LMF1: variants seen among roughly 807,000 people sequenced by gnomAD.
LMF1 encodes the protein lipase maturation factor 1, also known as transmembrane protein 112.
Under a neutral mutation model 60.6 loss-of-function variants are expected in LMF1, and 68 were observed. The observed-to-expected ratio is 1.12, with a 90% CI of 0.92 to 1.37. The LOEUF (loss-of-function observed/expected upper bound fraction) is 1.37. Among genes scored for constraint, LMF1 ranks in the 40% most tolerant of loss-of-function variants. The pLI is 0.00. For synonymous variants in LMF1, 418 were observed against 324.7 expected, an observed-to-expected ratio of 1.29 and a Z score of -3.09; for missense variants, 948 against 767.2, an observed-to-expected ratio of 1.24 and a Z score of -2.78.
At chr16:969,300 G>A (rs2072990516) in intron 1 of LMF1, among the ~76,000 whole-genome samples, 1 of 152,266 alleles carries the variant, frequency 6.6e-6, no homozygotes, top group Non-Finnish European at 1.5e-5. Context: ...GGGCAACAGA[G>A]TGAGACTCCG....
At chr16:937,165 T>C (rs1186605968) in intron 2 of LMF1, among the ~76,000 whole-genome samples, 2 of 152,222 alleles carry the variant, frequency 1.3e-5, no homozygotes, top group Non-Finnish European at 2.9e-5. Flanking sequence ...ATTTCAAGGC[T>C]GCCTGATAAA....
chr16:938,728 T>C (rs4984989), intron 2 of LMF1, among the ~76,000 whole-genome samples: 72,420 of 151,492 alleles, frequency 0.48, 18,896 homozygotes, highest in African/African-American at 0.7. Context: ...GACAGATGGA[T>C]GGATGGACAG....
intron 3 of LMF1, among the ~76,000 whole-genome samples, chr16:922,372 G>C (rs1280942461): frequency 6.6e-6 from 1 of 152,232 alleles, no homozygotes; most frequent in African/African-American, 2.4e-5. Context: ...TAGCCAGGTA[G>C]GCAGAATGGC....
intron 3 of LMF1, among the ~76,000 whole-genome samples, chr16:923,042 G>T (rs1386601250): frequency 7.8e-6 from 1 of 127,630 alleles, no homozygotes; most frequent in African/African-American, 2.9e-5. Context: ...TGTGAAGGTC[G>T]CCTGGGTTTT....
intron 1 of LMF1, among the ~76,000 whole-genome samples, chr16:978,164 A>ACCACACACCATACACGCACC (rs1416864966): frequency 6.7e-6 from 1 of 148,560 alleles, no homozygotes; most frequent in Non-Finnish European, 1.5e-5. Context: ...ACACACACAC[A>ACCACACACCATACACGCACC]CCACACACCA....
intron 1 of LMF1, among the ~76,000 whole-genome samples, chr16:963,868 T>C (rs558510390): frequency 6.6e-6 from 1 of 152,196 alleles, no homozygotes; most frequent in Non-Finnish European, 1.5e-5. Flanking sequence ...TATTTCAACC[T>C]CTACTCATGT....
chr16:950,696 GAGTC>G (rs879559141), intron 2 of LMF1, among the ~76,000 whole-genome samples: 4 of 147,760 alleles, frequency 2.7e-5, no homozygotes, highest in Non-Finnish European at 5.9e-5. Context: ...GCCAACGACA[GAGTC>G]AGAGCCAATG....
At chr16:869,200 C>CT in intron 9 of LMF1, 144 bp from the exon 10 acceptor site, 1 of 692,344 alleles carries the variant, frequency 1.4e-6, no homozygotes, top group Non-Finnish European at 2.6e-6. Context: ...AGCTCTTTGG[C>CT]TGGGGTCCCC....
At chr16:854,976 T>C (rs1445188772) in intron 10 of LMF1, 5 of 552,268 alleles carry the variant, frequency 9.1e-6, no homozygotes, top group African/African-American at 5.7e-5. Context: ...CAGGGCCCAC[T>C]TGGCAGAGGG....
intron 5 of LMF1, among the ~76,000 whole-genome samples, chr16:891,230 A>G (rs1156450018): frequency 2.6e-5 from 4 of 152,004 alleles, no homozygotes; most frequent in Non-Finnish European, 5.9e-5. Flanking sequence ...CTGTGGCATG[A>G]CCCGTCCCCC....
intron 3 of LMF1, among the ~76,000 whole-genome samples, chr16:929,878 G>A (rs1344098999): frequency 1.3e-5 from 2 of 152,158 alleles, no homozygotes; most frequent in African/African-American, 4.8e-5. Flanking sequence ...CTGGGACACA[G>A]AGCCCAGGAC....
intron 10 of LMF1, chr16:855,270 A>G: frequency 4.0e-6 from 1 of 247,026 alleles, no homozygotes; most frequent in Non-Finnish European, 8.1e-6. Context: ...CCTGCCTGAG[A>G]CGTGCAGATG....
intron 3 of LMF1, among the ~76,000 whole-genome samples, chr16:915,721 T>C (rs982265323): frequency 6.6e-6 from 1 of 152,168 alleles, no homozygotes; most frequent in Non-Finnish European, 1.5e-5. Context: ...GATGGGGTTT[T>C]CCGGACGGAA....
intron 3 of LMF1, among the ~76,000 whole-genome samples, chr16:913,666 C>T (rs1367947424): frequency 6.6e-6 from 1 of 152,254 alleles, no homozygotes; most frequent in African/African-American, 2.4e-5. Context: ...GCAGGCCCAG[C>T]CAGCGCTGCA....
chr16:861,354 CTTTTTTT>C (rs33941455), intron 10 of LMF1, among the ~76,000 whole-genome samples: 44 of 92,670 alleles, frequency 4.7e-4, no homozygotes, highest in Middle Eastern at 0.014. Flanking sequence ...AATTTTCTTT[CTTTTTTT>C]TTTTTTTTTT....
intron 8 of LMF1, 133 bp from the exon 9 acceptor site, chr16:870,199 G>C: frequency 2.9e-6 from 3 of 1,025,284 alleles, no homozygotes; most frequent in Non-Finnish European, 4.2e-6. Flanking sequence ...CTGCCTCCTG[G>C]TCAGGGGCTA....
intron 1 of LMF1, among the ~76,000 whole-genome samples, chr16:965,042 C>T (rs146993391): frequency 1.3e-5 from 2 of 152,186 alleles, no homozygotes; most frequent in African/African-American, 4.8e-5. Flanking sequence ...CTCAGTGAGC[C>T]CAGGACTCCA....
chr16:856,792 G>C (rs2069196037), intron 10 of LMF1, among the ~76,000 whole-genome samples: 1 of 152,374 alleles, frequency 6.6e-6, no homozygotes, highest in African/African-American at 2.4e-5. Context: ...CCGCCCCGGA[G>C]GGCTTGAGAG....
chr16:869,011 G>T lies in LMF1; in HGVS notation c.1462C>A (p.Leu488Met), dbSNP rs757412243. The change falls in exon 10 of 11, where the codon CTG becomes ATG. Residue 488 changes from leucine to methionine, a missense_variant. Physicochemically the swap from Leu to Met is conservative, Grantham distance 15 (BLOSUM62 2). Transcript: ENST00000262301. ...DWIIHLAGKL[L>M]ASDAEALSLL... ...GACAAGGCCTCGGCGTCGCTGGCCAGGAGCTTGCCAGCCAGGTGGATGATC... is the reference window on the plus strand; with the variant it reads ...GACAAGGCCTCGGCGTCGCTGGCCATGAGCTTGCCAGCCAGGTGGATGATC... 6.2e-7 allele frequency: 1 copy of T among 1,612,704 alleles called. No homozygotes were observed. The highest frequency in any genetic ancestry group is 2.2e-5 in the East Asian group (1 of 44,862).
Sources: gnomAD v4.1 joint callset for allele counts (sites outside exome capture counted in the v4.1 genomes callset) on GRCh38, gnomAD v4.1.1 for gene constraint, MANE v1.5 for transcripts, NCBI Gene and HGNC (gene_info 2026-07-23, HGNC 2026-07-21) for gene names.